SERGEF: variants seen among roughly 807,000 people sequenced by gnomAD.
The protein encoded by SERGEF is secretion regulating guanine nucleotide exchange factor, also known as secretion-regulating guanine nucleotide exchange factor.
In SERGEF, 51 loss-of-function variants were observed where a neutral mutation model predicts 50.0. That is an observed-to-expected ratio of 1.02 (90% CI 0.81 to 1.29). The LOEUF is 1.29. SERGEF is among the 50% of genes most tolerant of loss of function. The pLI, the probability that SERGEF is intolerant of heterozygous loss-of-function variation, is 0.00. For missense variants in SERGEF, 521 were observed against 557.0 expected, an observed-to-expected ratio of 0.94 and a Z score of 0.65; for synonymous variants, 205 against 212.4, an observed-to-expected ratio of 0.97 and a Z score of 0.30.
At chr11:17,995,648 C>T (rs1013436293) in intron 6 of SERGEF, 148 bp downstream of exon 6, 6 of 618,016 alleles carry the variant, frequency 9.7e-6, no homozygotes, top group Non-Finnish European at 1.7e-5. Context: ...ACAAACAATG[C>T]CAGCAAGACT....
chr11:17,823,587 G>A (rs7932302), intron 10 of SERGEF, among the ~76,000 whole-genome samples: 130,926 of 152,194 alleles, frequency 0.86, 56,453 homozygotes, highest in East Asian at 1. Flanking sequence ...ATTGGCAAAC[G>A]GGGGAAGAGA....
chr11:17,833,788 G>C (rs1850355550), intron 10 of SERGEF, among the ~76,000 whole-genome samples: 1 of 152,100 alleles, frequency 6.6e-6, no homozygotes, highest in Admixed American at 6.5e-5. Context: ...ACTTGCATGG[G>C]GCCTGTAGCC....
At chr11:17,897,071 C>T (rs555448378) in intron 9 of SERGEF, among the ~76,000 whole-genome samples, 9 of 152,154 alleles carry the variant, frequency 5.9e-5, no homozygotes, top group Non-Finnish European at 1.0e-4. Context: ...TGAGAGTTTT[C>T]TCTGGCTGAT....
intron 10 of SERGEF, chr11:17,863,699 GTTCCATGAATGTGAA>G (rs1451858227): frequency 2.0e-5 from 3 of 152,226 alleles, no homozygotes; most frequent in Non-Finnish European, 2.9e-5. Context: ...CTAAATGTGA[GTTCCATGAATGTGAA>G]TTCCATGAAT....
intron 10 of SERGEF, among the ~76,000 whole-genome samples, chr11:17,790,854 C>T (rs1849473499): frequency 6.6e-6 from 1 of 152,230 alleles, no homozygotes; most frequent in African/African-American, 2.4e-5. Flanking sequence ...TCCCTGACTA[C>T]TAGTGAGATG....
chr11:17,962,134 C>T (rs1174841860), intron 8 of SERGEF, among the ~76,000 whole-genome samples: 1 of 152,134 alleles, frequency 6.6e-6, no homozygotes, highest in African/African-American at 2.4e-5. Flanking sequence ...AGCTGCTGTC[C>T]CAAACTGACA....
intron 8 of SERGEF, among the ~76,000 whole-genome samples, chr11:17,980,078 G>A (rs1590230849): frequency 6.6e-6 from 1 of 152,362 alleles, no homozygotes; most frequent in East Asian, 1.9e-4. Flanking sequence ...GTGCAGGGGA[G>A]CGGGAGAGAA....
chr11:17,878,984 C>G (rs1272340253), intron 9 of SERGEF, among the ~76,000 whole-genome samples: 2 of 152,178 alleles, frequency 1.3e-5, no homozygotes, highest in Non-Finnish European at 2.9e-5. Flanking sequence ...ATCTTGTTGC[C>G]TTTTATCATT....
chr11:17,850,730 T>TG (rs1850695933), intron 10 of SERGEF, among the ~76,000 whole-genome samples: 2 of 152,224 alleles, frequency 1.3e-5, no homozygotes, highest in Admixed American at 6.5e-5. Context: ...CTCCCTGGGA[T>TG]ATTTTCCCAC....
intron 10 of SERGEF, among the ~76,000 whole-genome samples, chr11:17,811,650 C>G (rs1449909892): frequency 1.3e-5 from 2 of 152,258 alleles, no homozygotes; most frequent in African/African-American, 4.8e-5. Flanking sequence ...CCAAGTCCCT[C>G]CTTTGCCCCA....
chr11:17,866,326 C>A (rs1851022604), intron 10 of SERGEF, among the ~76,000 whole-genome samples: 1 of 152,206 alleles, frequency 6.6e-6, no homozygotes. Flanking sequence ...ACTGATCAGC[C>A]ATTGTGTTAC....
chr11:17,854,015 C>A (rs189417190), intron 10 of SERGEF: 2 of 120,076 alleles, frequency 1.7e-5, no homozygotes, highest in Admixed American at 9.0e-5. Flanking sequence ...AGCGAGACAC[C>A]GTCTCAAAAA....
At chr11:17,951,412 C>G (rs1852771615) in intron 9 of SERGEF, among the ~76,000 whole-genome samples, 1 of 152,196 alleles carries the variant, frequency 6.6e-6, no homozygotes, top group Non-Finnish European at 1.5e-5. Context: ...ATTGTACAAA[C>G]AGAACAGAAA....
intron 10 of SERGEF, among the ~76,000 whole-genome samples, chr11:17,843,094 C>T (rs1850535119): frequency 2.0e-5 from 3 of 152,314 alleles, no homozygotes; most frequent in East Asian, 3.9e-4. Context: ...ACAGAGAGAA[C>T]AGGCCACACT....
At chr11:17,802,919 T>C (rs1849697462) in intron 10 of SERGEF, among the ~76,000 whole-genome samples, 1 of 152,254 alleles carries the variant, frequency 6.6e-6, no homozygotes, top group African/African-American at 2.4e-5. Context: ...AATGAAAAGC[T>C]CTATGAGAGC....
At chr11:18,007,861 CTGA>C in intron 2 of SERGEF, 77 bp downstream of exon 2, 1 of 1,371,872 alleles carries the variant, frequency 7.3e-7, no homozygotes, top group Non-Finnish European at 1.0e-6. Flanking sequence ...ATACAAAAGG[CTGA>C]AAGATGGCAA....
intron 9 of SERGEF, among the ~76,000 whole-genome samples, chr11:17,938,229 G>A (rs1443363418): frequency 1.3e-5 from 2 of 152,190 alleles, no homozygotes; most frequent in African/African-American, 2.4e-5. Flanking sequence ...GAAAGGAGGA[G>A]TCAGACTGTC....
chr11:17,994,407 C>T (rs548203082), intron 6 of SERGEF, among the ~76,000 whole-genome samples: 42 of 134,510 alleles, frequency 3.1e-4, no homozygotes, highest in Admixed American at 1.6e-3. Context: ...ACCCGGGAGG[C>T]GGACCTAGCA....
intron 10 of SERGEF, among the ~76,000 whole-genome samples, chr11:17,813,897 GTGGGGACAC>G (rs1185935870): frequency 6.6e-6 from 1 of 152,276 alleles, no homozygotes; most frequent in African/African-American, 2.4e-5. Flanking sequence ...GACTCAGGAA[GTGGGGACAC>G]TGCTTCCCTG....
Sources: allele counts gnomAD v4.1 joint callset (sites outside exome capture counted in the v4.1 genomes callset), GRCh38; gene constraint gnomAD v4.1.1; transcripts MANE v1.5; gene names NCBI Gene and HGNC (gene_info 2026-07-23, HGNC 2026-07-21).